The following KDM5A variants were observed in gnomAD, a reference collection of about 807,000 sequenced individuals.
KDM5A encodes lysine demethylase 5A, also known as lysine-specific demethylase 5A.
In KDM5A, 42 loss-of-function variants were observed where a neutral mutation model predicts 193.5. That is an observed-to-expected ratio of 0.22 (90% CI 0.17 to 0.28). The LOEUF is 0.28. Among genes scored for constraint, KDM5A ranks in the 10% least tolerant of loss-of-function variants. KDM5A has a pLI of 1.00. For synonymous variants in KDM5A, 796 were observed against 718.1 expected (o/e 1.11, Z -1.73); for missense variants, 1,692 against 2,055.1 (o/e 0.82, Z 3.42).
At chr12:374,157 ATCTG>A (rs1343344357) in intron 3 of KDM5A, among the ~76,000 whole-genome samples, 4 of 152,116 alleles carry the variant, frequency 2.6e-5, no homozygotes, top group Non-Finnish European at 5.9e-5. Flanking sequence ...TGTCTCGTTG[ATCTG>A]TCTAATATTG....
chr12:335,705 G>A (rs1943921370), intron 10 of KDM5A, among the ~76,000 whole-genome samples: 3 of 152,140 alleles, frequency 2.0e-5, no homozygotes, highest in Admixed American at 6.5e-5. Flanking sequence ...TTATCTATAA[G>A]GCAGCACAGA....
chr12:288,924 C>T (rs932241086), intron 27 of KDM5A, among the ~76,000 whole-genome samples: 16 of 152,040 alleles, frequency 1.1e-4, no homozygotes, highest in African/African-American at 3.9e-4. Context: ...CGCGTGCACG[C>T]GTGTGTGTGT....
rs956810543 is a variant in KDM5A at position 282,626 on chromosome 12, A to G, written c.*2830T>C. 5 of 233,052 alleles carry G rather than the reference A, an allele frequency of 2.1e-5. No individual in the cohort carries two copies. The highest frequency in any genetic ancestry group is 1.1e-4 in the African/African-American group (5 of 45,362). 14.4% of individuals were successfully genotyped at this position (233,052 alleles called of 1,614,324 possible). ...CATAGTTCTAATGACTTAGCTTTTA[A>G]GAATACCACAGGCCTACCATATTTC... On this transcript the variant is annotated 3_prime_UTR_variant, in exon 28 of 28. Transcript: ENST00000399788.
rs1462605349 is a variant in KDM5A, at chr12:285,190, T to A, written c.*266A>T. 1.9e-6 allele frequency: 1 copy of A among 539,156 alleles called. No homozygotes were observed. The allele number at this position is 539,156 out of a possible 1,614,324, so 33.4% of individuals were successfully genotyped here. A position where few individuals can be genotyped will look rare whatever the true frequency, so the allele number is the denominator to read the frequency against. On this transcript the variant is annotated 3_prime_UTR_variant, in exon 28 of 28. Transcript: ENST00000399788. ...AGCCACCCTAGAGCTCAATTAAGCATCTGGCCTTAATGCAGTAAACCACAC... is the reference window on the plus strand; with the variant it reads ...AGCCACCCTAGAGCTCAATTAAGCAACTGGCCTTAATGCAGTAAACCACAC...
At position 389,214 on chromosome 12, in the gene KDM5A, C is replaced by G. The variant is rs1050255440; in HGVS notation, c.-123G>C. On this transcript the variant is annotated 5_prime_UTR_variant, in exon 1 of 28. Transcript: ENST00000399788. ...GAAGCGCATCTTCGCGGACAAGAAC[C>G]GTTCAACACAGAAACCCCAGAATCG... 1 of 932,036 alleles carries G rather than the reference C, an allele frequency of 1.1e-6. No homozygotes were observed. The highest frequency in any genetic ancestry group is 2.4e-5 in the East Asian group (1 of 41,426). 57.7% of individuals were successfully genotyped at this position (932,036 alleles called of 1,614,324 possible). A position where few individuals can be genotyped will look rare whatever the true frequency, so the allele number is the denominator to read the frequency against.
intron 19 of KDM5A, among the ~76,000 whole-genome samples, chr12:313,938 GCATT>G: frequency 6.6e-6 from 1 of 152,246 alleles, no homozygotes; most frequent in South Asian, 2.1e-4. Flanking sequence ...CACTTGAAAA[GCATT>G]CATGGTTCAG....
rs1944175316 is a variant in KDM5A, at chr12:352,442, T to G, written c.1030-118A>C. 8.0e-6 allele frequency: 7 copies of G among 874,116 alleles called. No homozygotes were observed. In the South Asian group the frequency reaches 9.8e-5, roughly 12 times the overall value. 54.1% of individuals were successfully genotyped at this position (874,116 alleles called of 1,614,324 possible). ...TAGGTAAAGTAAATCCAGTCAACCCTAGACAACAAAACAAATATCAGCTAC... is the reference window on the plus strand; with the variant it reads ...TAGGTAAAGTAAATCCAGTCAACCCGAGACAACAAAACAAATATCAGCTAC... On this transcript the variant is annotated intron_variant, in intron 8 of 27. Coordinates refer to ENST00000399788, the MANE Select transcript of KDM5A (RefSeq NM_001042603.3).
At chr12:305,625 T>C (rs990339432) in intron 24 of KDM5A, among the ~76,000 whole-genome samples, 7 of 152,202 alleles carry the variant, frequency 4.6e-5, no homozygotes, top group South Asian at 4.1e-4. Flanking sequence ...CTAAGAATCA[T>C]ATAAAACAAG....
intron 18 of KDM5A, among the ~76,000 whole-genome samples, chr12:320,790 C>T (rs1466702572): frequency 6.6e-6 from 1 of 151,910 alleles, no homozygotes; most frequent in Non-Finnish European, 1.5e-5. Flanking sequence ...TCATACCAGC[C>T]TTAGTTACAG....
chr12:343,337 T>C (rs541737399), intron 10 of KDM5A, among the ~76,000 whole-genome samples: 1 of 152,312 alleles, frequency 6.6e-6, no homozygotes, highest in South Asian at 2.1e-4. Flanking sequence ...TCCACCTCTC[T>C]GGGCAGGGCA....
intron 7 of KDM5A, 76 bp downstream of exon 7, chr12:355,082 G>A (rs990229672): frequency 9.2e-6 from 8 of 867,974 alleles, no homozygotes; most frequent in Non-Finnish European, 2.0e-6. Flanking sequence ...CACATACCAT[G>A]ATATATCAGG....
At chr12:327,018 G>A (rs994539216) in intron 14 of KDM5A, among the ~76,000 whole-genome samples, 4 of 152,098 alleles carry the variant, frequency 2.6e-5, no homozygotes, top group African/African-American at 7.2e-5. Flanking sequence ...TGCTGACCAC[G>A]GGAAAACCAC....
intron 3 of KDM5A, among the ~76,000 whole-genome samples, chr12:377,849 G>A (rs1944526990): frequency 6.6e-6 from 1 of 152,056 alleles, no homozygotes; most frequent in Admixed American, 6.6e-5. Flanking sequence ...AAAACACCCA[G>A]TCAAGATTTG....
rs149849945 is a variant in KDM5A, at chr12:362,808, C to T, written c.672+155G>A. ...CATTTAAAACTCCCACGAGAAATGG[C>T]CCATGAGCCAGGCACAGCAGCGCAT... On this transcript the variant is annotated intron_variant, in intron 5 of 27. Coordinates refer to ENST00000399788, the MANE Select transcript of KDM5A (RefSeq NM_001042603.3). Among the ~76,000 whole-genome samples, 733 of 152,288 alleles carry T rather than the reference C, an allele frequency of 4.8e-3. 3 individuals carry two copies. The highest frequency in any genetic ancestry group is 7.4e-3 in the Non-Finnish European group (504 of 68,028).
chr12:300,749 T>A (rs1339988781), intron 24 of KDM5A, among the ~76,000 whole-genome samples: 1 of 152,138 alleles, frequency 6.6e-6, no homozygotes, highest in Non-Finnish European at 1.5e-5. Flanking sequence ...GGAGCTGGTT[T>A]TTTGAAAAGA....
At chr12:368,646 C>T (rs779273315) in intron 3 of KDM5A, among the ~76,000 whole-genome samples, 17 of 152,106 alleles carry the variant, frequency 1.1e-4, no homozygotes, top group Non-Finnish European at 1.5e-4. Context: ...GAAGGAGAAT[C>T]GCTTGAACCC....
At chr12:342,768 G>A (rs1262482445) in intron 10 of KDM5A, among the ~76,000 whole-genome samples, 1 of 144,428 alleles carries the variant, frequency 6.9e-6, no homozygotes, top group East Asian at 2.2e-4. Context: ...GGCCTAAAAT[G>A]TGATTTAAAA....
intron 10 of KDM5A, among the ~76,000 whole-genome samples, chr12:345,811 G>A (rs1021451302): frequency 6.6e-6 from 1 of 152,164 alleles, no homozygotes; most frequent in Non-Finnish European, 1.5e-5. Context: ...ACAAGAGAAA[G>A]CAGGAAAGAT....
At position 307,605 on chromosome 12, in the gene KDM5A, G is replaced by A. The variant is rs368978249; in HGVS notation, c.3779C>T (p.Ala1260Val). The change falls in exon 23 of 28, where the codon GCG becomes GTG. Residue 1260 changes from alanine (A) to valine (V), a missense_variant. This residue lies in a region of KDM5A where 965 missense variants were observed against 1,061.0 expected (regional missense o/e 0.91). Transcript: ENST00000399788. This position sits in a 1 kb window ranked among gnomAD's most constrained non-coding sequence, Gnocchi z 4.3. ...TTCATCTGTGGCTAGAGCCTGCCGC[G>A]CTCTATCTTGCCAACTCATAGCACG... ...TERAMSWQDR[A>V]RQALATDELS... 66 of 1,614,142 alleles carry A rather than the reference G, an allele frequency of 4.1e-5. No homozygotes were observed. In the African/African-American group the frequency reaches 5.9e-4, roughly 14 times the overall value.
Sources: allele counts gnomAD v4.1 joint callset (sites outside exome capture counted in the v4.1 genomes callset), GRCh38; gene constraint gnomAD v4.1.1; regional missense constraint gnomAD v4.1.1; non-coding constraint Gnocchi (gnomAD v3.1); transcripts MANE v1.5; gene names NCBI Gene and HGNC (gene_info 2026-07-23, HGNC 2026-07-21).